Variants in LUZP2 observed in about 807,000 individuals in gnomAD.
The protein encoded by LUZP2 is leucine zipper protein 2.
A neutral mutation model predicts 51.6 loss-of-function variants in LUZP2; 52 were observed. That is an observed-to-expected ratio of 1.01 (90% CI 0.81 to 1.27). The LOEUF (loss-of-function observed/expected upper bound fraction) is 1.27. LUZP2 is among the 50% of genes most tolerant of loss of function. LUZP2 has a pLI of 0.00. For missense variants in LUZP2, 436 were observed against 395.4 expected (o/e 1.10, Z -0.87); for synonymous variants, 154 against 137.3 (o/e 1.12, Z -0.85).
intron 9 of LUZP2, among the ~76,000 whole-genome samples, chr11:24,999,967 G>A (rs796763191): frequency 1.7e-4 from 26 of 152,196 alleles, no homozygotes; most frequent in African/African-American, 4.1e-4. Context: ...TGTTGCTGCT[G>A]GCTCTAGTGG....
chr11:24,627,336 G>C (rs768890389), intron 1 of LUZP2, among the ~76,000 whole-genome samples: 1 of 152,168 alleles, frequency 6.6e-6, no homozygotes, highest in Non-Finnish European at 1.5e-5. Context: ...AGGTTTTTCA[G>C]CTATAAGAAG....
chr11:24,783,540 A>G (rs1849152851), intron 5 of LUZP2, among the ~76,000 whole-genome samples: 1 of 152,004 alleles, frequency 6.6e-6, no homozygotes. Context: ...CATTTTCCAA[A>G]TTAGAGGAAC....
intron 1 of LUZP2, among the ~76,000 whole-genome samples, chr11:24,682,366 G>A (rs955115476): frequency 6.6e-6 from 1 of 151,628 alleles, no homozygotes. Context: ...ACGGTGGCAA[G>A]TGTCTGTAAT....
At chr11:24,817,361 A>AAT (rs1265973035) in intron 5 of LUZP2, among the ~76,000 whole-genome samples, 16 of 152,080 alleles carry the variant, frequency 1.1e-4, no homozygotes, top group Non-Finnish European at 1.2e-4. Flanking sequence ...TTATACAAAA[A>AAT]ATATATCGTA....
At chr11:25,065,621 G>T (rs768510636) in intron 10 of LUZP2, among the ~76,000 whole-genome samples, 1 of 151,976 alleles carries the variant, frequency 6.6e-6, no homozygotes, top group Non-Finnish European at 1.5e-5. Flanking sequence ...AATCTCTTAT[G>T]TGAACAGCAC....
intron 5 of LUZP2, among the ~76,000 whole-genome samples, chr11:24,872,099 C>T (rs1390912455): frequency 6.6e-6 from 1 of 152,052 alleles, no homozygotes; most frequent in African/African-American, 2.4e-5. Flanking sequence ...TGTATATTGT[C>T]CGGGTTCTGA....
intron 5 of LUZP2, among the ~76,000 whole-genome samples, chr11:24,780,380 A>T (rs1849054760): frequency 6.6e-6 from 1 of 152,134 alleles, no homozygotes; most frequent in South Asian, 2.1e-4. Flanking sequence ...GAGGAAATAA[A>T]ATCAATTCGA....
chr11:24,602,357 T>A (rs1044202703), intron 1 of LUZP2, among the ~76,000 whole-genome samples: 4 of 78,262 alleles, frequency 5.1e-5, no homozygotes, highest in Non-Finnish European at 1.0e-4. Flanking sequence ...TATAAATCTC[T>A]TTTAAAGTGT....
chr11:24,905,751 G>A (rs1010249104), intron 5 of LUZP2, among the ~76,000 whole-genome samples: 1 of 151,722 alleles, frequency 6.6e-6, no homozygotes, highest in Admixed American at 6.6e-5. Flanking sequence ...CCCCACAATA[G>A]AATAAAACTA....
In LUZP2 at chr11:24,583,553, C is replaced by A. The variant is rs79717689; in HGVS notation, c.62+86248C>A. Among the ~76,000 whole-genome samples, 1,150 of 152,136 alleles carry A rather than the reference C, an allele frequency of 7.6e-3. 9 individuals carry two copies. The highest frequency in any genetic ancestry group is 0.027 in the African/African-American group (1,108 of 41,498). Reference sequence around the variant, plus strand: ...AACCAGACTATTTGGCACCCCATGCCCAACACACCTAAACCCTAATTCTAA... The same window carrying A: ...AACCAGACTATTTGGCACCCCATGCACAACACACCTAAACCCTAATTCTAA... On this transcript the variant is annotated intron_variant, in intron 1 of 11. Coordinates refer to ENST00000336930, the MANE Select transcript of LUZP2 (RefSeq NM_001009909.4).
At chr11:24,623,222 T>C (rs186715188) in intron 1 of LUZP2, among the ~76,000 whole-genome samples, 57 of 149,418 alleles carry the variant, frequency 3.8e-4, no homozygotes, top group African/African-American at 1.4e-3. Context: ...CAGAGTAGGC[T>C]GTACTCATAA....
chr11:24,852,637 T>C (rs770341097), intron 5 of LUZP2, among the ~76,000 whole-genome samples: 4 of 152,224 alleles, frequency 2.6e-5, no homozygotes, highest in Non-Finnish European at 4.4e-5. Flanking sequence ...GGTCCAGAGC[T>C]GCGTTCAAGT....
At position 24,897,505 on chromosome 11, in the gene LUZP2, A is replaced by G. The variant is rs114681859; in HGVS notation, c.397-8486A>G. 3.3e-3 allele frequency among the ~76,000 whole-genome samples: 495 copies of G among 151,664 alleles called. 1 individual carries two copies. Among genetic ancestry groups the G allele is most frequent in the African/African-American group, 0.011 (459 of 41,330 alleles). ...CAACTCTGGACGGGAGGAACAAACAACTCCCGAGGCGCTGCATTAAGAGCT... is the reference window on the plus strand; with the variant it reads ...CAACTCTGGACGGGAGGAACAAACAGCTCCCGAGGCGCTGCATTAAGAGCT... On this transcript the variant is annotated intron_variant, in intron 5 of 11. Transcript: ENST00000336930.
chr11:25,039,093 T>C (rs965478827), intron 9 of LUZP2, among the ~76,000 whole-genome samples: 2 of 151,968 alleles, frequency 1.3e-5, no homozygotes, highest in African/African-American at 4.8e-5. Context: ...GGTCTTGGGG[T>C]TTGAGAAAGA....
At chr11:24,984,283 G>T (rs1416398334) in intron 9 of LUZP2, among the ~76,000 whole-genome samples, 1 of 151,058 alleles carries the variant, frequency 6.6e-6, no homozygotes, top group East Asian at 2.0e-4. Flanking sequence ...TCCTATTTTT[G>T]AATTAAAGTG....
chr11:24,798,853 A>C (rs1011319457), intron 5 of LUZP2, among the ~76,000 whole-genome samples: 5 of 152,112 alleles, frequency 3.3e-5, no homozygotes, highest in Non-Finnish European at 7.4e-5. Context: ...TGCTGTGTAC[A>C]GTGGACAGTA....
intron 1 of LUZP2, among the ~76,000 whole-genome samples, chr11:24,627,141 C>T (rs1854711461): frequency 6.6e-6 from 1 of 152,144 alleles, no homozygotes; most frequent in Non-Finnish European, 1.5e-5. Flanking sequence ...ACAGATAATA[C>T]AGGGAGATGC....
chr11:24,508,553 C>A (rs1850209210), intron 1 of LUZP2, among the ~76,000 whole-genome samples: 1 of 151,998 alleles, frequency 6.6e-6, no homozygotes. Flanking sequence ...TGCCTGGCTC[C>A]AGATGTCTTC....
At chr11:25,006,689 T>C (rs1014073795) in intron 9 of LUZP2, among the ~76,000 whole-genome samples, 1 of 152,176 alleles carries the variant, frequency 6.6e-6, no homozygotes, top group Non-Finnish European at 1.5e-5. Flanking sequence ...CACTTGGCGA[T>C]AGTCGATAGT....
Sources: allele counts gnomAD v4.1 joint callset (sites outside exome capture counted in the v4.1 genomes callset), GRCh38; gene constraint gnomAD v4.1.1; transcripts MANE v1.5; gene names NCBI Gene and HGNC (gene_info 2026-07-23, HGNC 2026-07-21).